Variants in CDCA8 observed in about 807,000 individuals in gnomAD.
CDCA8 encodes borealin.
Under a neutral mutation model 40.0 loss-of-function variants are expected in CDCA8, and 25 were observed. The ratio of observed to expected loss-of-function variants is 0.63; its 90% confidence interval spans 0.46 to 0.87. The LOEUF (loss-of-function observed/expected upper bound fraction) is 0.87, where lower values mean the gene tolerates loss of function less well. Among genes scored for constraint, CDCA8 ranks in the 40% least tolerant of loss-of-function variants. The pLI is 0.00. For missense variants in CDCA8, 280 were observed against 348.4 expected, an observed-to-expected ratio of 0.80 and a Z score of 1.56; for synonymous variants, 111 against 126.5, an observed-to-expected ratio of 0.88 and a Z score of 0.82.
At position 37,696,707 on chromosome 1, in the gene CDCA8, ATCTT is replaced by A. The variant is rs1176417095; in HGVS notation, c.264+761_264+764del. 6.6e-6 allele frequency among the ~76,000 whole-genome samples: 1 copy of A among 152,218 alleles called. No homozygotes were observed. Among genetic ancestry groups the A allele is most frequent in the Non-Finnish European group, 1.5e-5 (1 of 68,040 alleles). On this transcript the variant is annotated intron_variant, in intron 3 of 9. Transcript: ENST00000373055. This position sits in a 1 kb window ranked among gnomAD's most constrained non-coding sequence, Gnocchi z 5.0. ...TGCGTGTGTATGCACGCATTTGTGT[ATCTT>A]TCTGTTAGTTTATTGTAGCCTTGAT...
intron 6 of CDCA8, among the ~76,000 whole-genome samples, chr1:37,702,429 G>A (rs1164818151): frequency 6.6e-6 from 1 of 151,962 alleles, no homozygotes; most frequent in Non-Finnish European, 1.5e-5. Context: ...GAAATGTTTT[G>A]TCCAGTCCTG....
intron 4 of CDCA8, among the ~76,000 whole-genome samples, chr1:37,699,962 A>G (rs569340487): frequency 8.5e-5 from 13 of 152,294 alleles, no homozygotes; most frequent in Non-Finnish European, 1.5e-4. Context: ...CTATCCACAT[A>G]AAATCATCTT....
In CDCA8 at chr1:37,698,588, G is replaced by A. The variant is rs538936578; in HGVS notation, c.265-317G>A. 1.3e-4 allele frequency among the ~76,000 whole-genome samples: 20 copies of A among 152,340 alleles called. No homozygotes were observed. In the South Asian group the frequency reaches 3.1e-3, roughly 24 times the overall value. ...CATGTATCTGTGAGCACATACACAT[G>A]TACCTTTCGATAAAGCAAGTGCAAT... On this transcript the variant is annotated intron_variant, in intron 3 of 9. Coordinates refer to ENST00000373055, the MANE Select transcript of CDCA8 (RefSeq NM_001256875.2).
intron 4 of CDCA8, 85 bp from the exon 5 acceptor site, chr1:37,700,351 G>A (rs662772): frequency 4.3e-5 from 34 of 796,192 alleles, no homozygotes; most frequent in African/African-American, 3.3e-4. Flanking sequence ...TTAAGATTGT[G>A]TACATTTTAT....
chr1:37,701,049 T>A (rs1645559683), intron 5 of CDCA8, among the ~76,000 whole-genome samples: 1 of 152,156 alleles, frequency 6.6e-6, no homozygotes, highest in Admixed American at 6.6e-5. Context: ...GTGGAGCACA[T>A]GCCAATTGCA....
intron 5 of CDCA8, among the ~76,000 whole-genome samples, chr1:37,701,419 TTTGA>T (rs576963515): frequency 4.3e-4 from 66 of 152,266 alleles, no homozygotes; most frequent in Middle Eastern, 6.8e-3. Context: ...AGGGTTTGCC[TTTGA>T]TTGGGCACCT....
At chr1:37,702,562 T>C (rs1645572556) in intron 6 of CDCA8, among the ~76,000 whole-genome samples, 1 of 152,166 alleles carries the variant, frequency 6.6e-6, no homozygotes, top group South Asian at 2.1e-4. Flanking sequence ...AGGAGCGAAC[T>C]CATTTCTCTT....
At chr1:37,692,870 G>A (rs776195938) in intron 1 of CDCA8, 35 bp from the exon 2 acceptor site, 2 of 1,613,284 alleles carry the variant, frequency 1.2e-6, no homozygotes, top group Non-Finnish European at 1.7e-6. Flanking sequence ...TCGCCCGCCC[G>A]TGACCCGTGT....
In CDCA8 at chr1:37,692,652, C is replaced by T. The variant is rs760744832; in HGVS notation, c.-39C>T. Reference sequence around the variant, plus strand: ...CCCTACCCAGTTTCTTGCTTCCCTGCCCCATCTCCGCCGCTCCCCGCAGCC... The same window carrying T: ...CCCTACCCAGTTTCTTGCTTCCCTGTCCCATCTCCGCCGCTCCCCGCAGCC... On this transcript the variant is annotated 5_prime_UTR_variant, in exon 1 of 10. Transcript: ENST00000373055. The T allele has an allele frequency of 1.3e-6, 2 of 1,536,974 alleles. No individual in the cohort carries two copies. Among genetic ancestry groups the T allele is most frequent in the Admixed American group, 3.4e-5 (2 of 58,056 alleles).
At chr1:37,693,848 G>A (rs1250804269) in intron 2 of CDCA8, among the ~76,000 whole-genome samples, 1 of 152,096 alleles carries the variant, frequency 6.6e-6, no homozygotes, top group African/African-American at 2.4e-5. Context: ...CTAAAAATGG[G>A]CGCATCAGGC....
rs971597750 is a variant in CDCA8 at position 37,708,302 on chromosome 1, C to T, written c.799-20C>T. On this transcript the variant is annotated intron_variant, in intron 9 of 9. Transcript: ENST00000373055. The stretch of plus-strand genomic sequence containing the variant: ...GCCAAGTGACATCTTCTACAATGAC[C>T]TCTCTCCTTTTCTTTTTAGAACCGT... 5 of 1,602,820 alleles carry T rather than the reference C, an allele frequency of 3.1e-6. No individual in the cohort carries two copies. The highest frequency in any genetic ancestry group is 4.2e-6 in the Non-Finnish European group (5 of 1,176,994).
At chr1:37,702,839 C>A (rs988839058) in intron 6 of CDCA8, among the ~76,000 whole-genome samples, 41 of 151,832 alleles carry the variant, frequency 2.7e-4, no homozygotes, top group African/African-American at 9.9e-4. Flanking sequence ...GTAGTTCCAG[C>A]TACTCGGGAG....
At position 37,701,756 on chromosome 1, in the gene CDCA8, CA is replaced by C; in HGVS notation, c.430del (p.Arg144GlyfsTer45). 1 of 1,610,820 alleles carries C rather than the reference CA, an allele frequency of 6.2e-7. No individual in the cohort carries two copies. The highest frequency in any genetic ancestry group is 8.5e-7 in the Non-Finnish European group (1 of 1,178,216). ...ERKNLQTARV[K>X]RCPPSKKRTQ... ...GTCTCATTTGATTGTGACTGCAGGTCAAAAGGTGTCCTCCATCCAAGAAGAG... is the reference window on the plus strand; with the variant it reads ...GTCTCATTTGATTGTGACTGCAGGTCAAAGGTGTCCTCCATCCAAGAAGAG... On this transcript the variant is annotated frameshift_variant, in exon 6 of 10. Transcript: ENST00000373055. LOFTEE classifies it high-confidence loss of function.
At chr1:37,703,693 G>A (rs1009890729) in intron 7 of CDCA8, among the ~76,000 whole-genome samples, 1 of 152,176 alleles carries the variant, frequency 6.6e-6, no homozygotes, top group Non-Finnish European at 1.5e-5. Context: ...TCCAGCCTGG[G>A]CAACAGAGTG....
At chr1:37,693,909 G>A (rs1196933830) in intron 2 of CDCA8, among the ~76,000 whole-genome samples, 2 of 151,808 alleles carry the variant, frequency 1.3e-5, no homozygotes, top group South Asian at 2.1e-4. Context: ...AGGCTGAGGC[G>A]GGCAGATGAC....
At chr1:37,701,527 T>A (rs1645564047) in intron 5 of CDCA8, among the ~76,000 whole-genome samples, 1 of 152,144 alleles carries the variant, frequency 6.6e-6, no homozygotes, top group South Asian at 2.1e-4. Flanking sequence ...TTACCTTTAA[T>A]CTTGGTCAAA....
rs1456013711 is a variant in CDCA8, at chr1:37,709,528, GTTA to G, written c.*1168_*1170del. ...TCATGTAGGGCTCTCTGTGGTATTT[GTTA>G]TTATTTTGCAACAAGACCATTTTAG... On this transcript the variant is annotated 3_prime_UTR_variant, in exon 10 of 10. Transcript: ENST00000373055. The G allele has an allele frequency of 6.6e-6, 1 of 152,082 alleles. No individual in the cohort carries two copies. Among genetic ancestry groups the G allele is most frequent in the Non-Finnish European group, 1.5e-5 (1 of 67,984 alleles). 9.4% of individuals were successfully genotyped at this position (152,082 alleles called of 1,614,324 possible).
chr1:37,699,630 A>G (rs1645550325), intron 4 of CDCA8, among the ~76,000 whole-genome samples: 1 of 150,460 alleles, frequency 6.6e-6, no homozygotes, highest in African/African-American at 2.4e-5. Flanking sequence ...GGAAAAAAAA[A>G]GTTACTCAGC....
rs1297387263 is a variant in CDCA8 at position 37,692,795 on chromosome 1, A to G, written c.94+11A>G. ...ACTTCGACCGTGAAGGTAAGGGGCC[A>G]GGCCGTCGCGGCCTCCTGGGGCGGT... On this transcript the variant is annotated intron_variant, in intron 1 of 9. Coordinates refer to ENST00000373055, the MANE Select transcript of CDCA8 (RefSeq NM_001256875.2). The G allele has an allele frequency of 3.1e-6, 5 of 1,613,348 alleles. No individual in the cohort carries two copies. Among genetic ancestry groups the G allele is most frequent in the Non-Finnish European group, 3.4e-6 (4 of 1,179,716 alleles).
Sources: gnomAD v4.1 joint callset for allele counts (sites outside exome capture counted in the v4.1 genomes callset) on GRCh38, gnomAD v4.1.1 for gene constraint, Gnocchi (gnomAD v3.1) non-coding constraint, MANE v1.5 for transcripts, NCBI Gene and HGNC (gene_info 2026-07-23, HGNC 2026-07-21) for gene names.